WDR27: variants seen among roughly 807,000 people sequenced by gnomAD.
The protein encoded by WDR27 is WD repeat domain 27.
WDR27 carries 100 observed loss-of-function variants against 114.4 expected under a neutral mutation model. The observed-to-expected ratio is 0.87, with a 90% CI of 0.74 to 1.03. The LOEUF is 1.03. WDR27 is among the 50% of genes least tolerant of loss of function. WDR27 has a pLI of 0.00. For synonymous variants in WDR27, 449 were observed against 423.1 expected (o/e 1.06, Z -0.75); for missense variants, 1,129 against 1,092.9 (o/e 1.03, Z -0.47).
At chr6:169,607,786 A>T (rs1373453343) in intron 22 of WDR27, among the ~76,000 whole-genome samples, 2 of 152,236 alleles carry the variant, frequency 1.3e-5, no homozygotes, top group Non-Finnish European at 2.9e-5. Flanking sequence ...CAAATAAAAA[A>T]TAAATAAGCA....
At chr6:169,458,784 C>A in intron 25 of WDR27, among the ~76,000 whole-genome samples, 1 of 143,214 alleles carries the variant, frequency 7.0e-6, no homozygotes, top group African/African-American at 2.7e-5. Flanking sequence ...AAGACCCTGT[C>A]TCAAAAAAAA....
At chr6:169,474,148 GCTGT>G (rs1786817474) in intron 25 of WDR27, among the ~76,000 whole-genome samples, 1 of 152,218 alleles carries the variant, frequency 6.6e-6, no homozygotes, top group South Asian at 2.1e-4. Context: ...TTTAATTTAT[GCTGT>G]CTATGTGATT....
intron 25 of WDR27, among the ~76,000 whole-genome samples, chr6:169,556,548 T>C (rs1257045713): frequency 5.9e-5 from 9 of 152,200 alleles, no homozygotes; most frequent in Admixed American, 1.3e-4. Context: ...GAATATCTTC[T>C]CAGTCTCTGG....
intron 17 of WDR27, 32 bp downstream of exon 17, chr6:169,643,665 T>C: frequency 6.3e-7 from 1 of 1,596,052 alleles, no homozygotes; most frequent in Non-Finnish European, 8.6e-7. Flanking sequence ...CATCCTTAAG[T>C]TCATACTGAC....
chr6:169,492,881 A>G (rs1428479475), intron 25 of WDR27, among the ~76,000 whole-genome samples: 1 of 152,096 alleles, frequency 6.6e-6, no homozygotes, highest in East Asian at 1.9e-4. Flanking sequence ...ACTGATATCC[A>G]GGATAATTTA....
chr6:169,591,090 A>C (rs1038515785), intron 23 of WDR27, among the ~76,000 whole-genome samples: 1 of 152,154 alleles, frequency 6.6e-6, no homozygotes, highest in Non-Finnish European at 1.5e-5. Context: ...CTCATTTTGC[A>C]TTCCCACCGA....
At chr6:169,592,027 C>T (rs1414121228) in intron 23 of WDR27, among the ~76,000 whole-genome samples, 1 of 151,980 alleles carries the variant, frequency 6.6e-6, no homozygotes, top group Non-Finnish European at 1.5e-5. Flanking sequence ...CTTCCAAGCA[C>T]CTTCCGTGGC....
intron 25 of WDR27, among the ~76,000 whole-genome samples, chr6:169,534,536 T>G (rs1344262269): frequency 6.6e-6 from 1 of 152,114 alleles, no homozygotes; most frequent in Non-Finnish European, 1.5e-5. Context: ...TGGGAAGTTT[T>G]TTTTATTATT....
intron 25 of WDR27, among the ~76,000 whole-genome samples, chr6:169,565,473 C>T (rs577736116): frequency 6.6e-6 from 1 of 152,232 alleles, no homozygotes; most frequent in East Asian, 1.9e-4. Flanking sequence ...AAAAACACCC[C>T]CACCAGGTAT....
At chr6:169,654,092 AAAAAACT>A (rs1823350894) in intron 13 of WDR27, among the ~76,000 whole-genome samples, 2 of 152,252 alleles carry the variant, frequency 1.3e-5, no homozygotes, top group South Asian at 4.1e-4. Context: ...AGAAACAAAC[AAAAAACT>A]AAAGGCCCAC....
chr6:169,586,579 C>A (rs1357566032), intron 23 of WDR27, among the ~76,000 whole-genome samples: 1 of 152,030 alleles, frequency 6.6e-6, no homozygotes, highest in Non-Finnish European at 1.5e-5. Flanking sequence ...GCAGTCATGG[C>A]CGGGCACGGT....
At chr6:169,558,453 T>A (rs1359720526) in intron 25 of WDR27, 1 of 152,154 alleles carries the variant, frequency 6.6e-6, no homozygotes, top group African/African-American at 2.4e-5. Context: ...CAGGCTCCCA[T>A]CCCGGTGGAG....
At chr6:169,692,979 T>C (rs1784892811) in intron 1 of WDR27, among the ~76,000 whole-genome samples, 1 of 152,182 alleles carries the variant, frequency 6.6e-6, no homozygotes, top group Non-Finnish European at 1.5e-5. Flanking sequence ...CAGCAGCTGA[T>C]ATTCTCTCGA....
chr6:169,592,001 G>C (rs1379993214), intron 23 of WDR27, among the ~76,000 whole-genome samples: 1 of 151,932 alleles, frequency 6.6e-6, no homozygotes, highest in African/African-American at 2.4e-5. Flanking sequence ...TAAGGGTGAT[G>C]GCTGGAATGT....
At chr6:169,441,311 T>G in the WDR27 span, among the ~76,000 whole-genome samples, 2 of 152,162 alleles carry the variant, frequency 1.3e-5, no homozygotes, top group East Asian at 3.9e-4. Flanking sequence ...CAATTAAACC[T>G]AATTTCAAGA....
At chr6:169,681,200 AAAG>A (rs1412157590) in intron 2 of WDR27, among the ~76,000 whole-genome samples, 1 of 152,264 alleles carries the variant, frequency 6.6e-6, no homozygotes, top group Non-Finnish European at 1.5e-5. Flanking sequence ...ACTCAATAAT[AAAG>A]AAGAATGAAC....
chr6:169,519,374 T>C (rs79215714), intron 25 of WDR27, among the ~76,000 whole-genome samples: 2 of 152,334 alleles, frequency 1.3e-5, no homozygotes, highest in African/African-American at 4.8e-5. Context: ...AGAGGTTTAA[T>C]TGGCTCACAA....
At position 169,662,290 on chromosome 6, in the gene WDR27, T is replaced by G. The variant is rs1458632656; in HGVS notation, c.1025+14A>C. 5.0e-6 allele frequency: 8 copies of G among 1,611,224 alleles called. No homozygotes were observed. On this transcript the variant is annotated intron_variant, in intron 9 of 25. Coordinates refer to ENST00000448612, the MANE Select transcript of WDR27 (RefSeq NM_182552.5). ...TTTCCTTTATGTGGCATAGGCAAAG[T>G]TTTTGATACTTACCATCCACATGCA...
the WDR27 span, among the ~76,000 whole-genome samples, chr6:169,429,418 C>G: frequency 6.9e-6 from 1 of 144,560 alleles, no homozygotes; most frequent in Non-Finnish European, 1.5e-5. Flanking sequence ...ATGTCTGCAA[C>G]AAGACTGAGT....
Sources: gnomAD v4.1 joint callset for allele counts (sites outside exome capture counted in the v4.1 genomes callset) on GRCh38, gnomAD v4.1.1 for gene constraint, MANE v1.5 for transcripts, NCBI Gene and HGNC (gene_info 2026-07-23, HGNC 2026-07-21) for gene names.